SUGCT: variants seen among roughly 807,000 people sequenced by gnomAD.
SUGCT encodes succinyl-CoA:glutarate CoA-transferase.
Under a neutral mutation model 55.0 loss-of-function variants are expected in SUGCT, and 41 were observed. The observed-to-expected ratio is 0.74, with a 90% CI of 0.58 to 0.97. SUGCT has a LOEUF of 0.97. Among genes scored for constraint, SUGCT ranks in the 50% least tolerant of loss-of-function variants. The probability of loss-of-function intolerance (pLI) is 0.00; values close to 1 mark genes in which losing one functional copy is unlikely to be tolerated. For missense variants in SUGCT, 568 were observed against 547.8 expected, an observed-to-expected ratio of 1.04 and a Z score of -0.37; for synonymous variants, 187 against 200.4, an observed-to-expected ratio of 0.93 and a Z score of 0.56.
At chr7:40,459,032 C>CACT in intron 10 of SUGCT, 69 bp from the exon 11 acceptor site, 1 of 962,028 alleles carries the variant, frequency 1.0e-6, no homozygotes, top group Non-Finnish European at 1.6e-6. Flanking sequence ...AGGACCTGAA[C>CACT]ACTAGCACCC....
intron 11 of SUGCT, among the ~76,000 whole-genome samples, chr7:40,475,402 G>T (rs1304481346): frequency 6.6e-6 from 1 of 152,104 alleles, no homozygotes; most frequent in Non-Finnish European, 1.5e-5. Context: ...TCTTGTTCAC[G>T]AAGATATTTT....
chr7:40,318,352 G>A (rs1795545782), intron 9 of SUGCT, among the ~76,000 whole-genome samples: 2 of 106,758 alleles, frequency 1.9e-5, no homozygotes, highest in Admixed American at 2.2e-4. Context: ...TGATAATGGA[G>A]GTCTTTCTCA....
At chr7:40,957,358 C>G in the SUGCT span, among the ~76,000 whole-genome samples, 17 of 151,586 alleles carry the variant, frequency 1.1e-4, no homozygotes, top group South Asian at 3.3e-3. Flanking sequence ...GCATTGATCC[C>G]TTTACTATTA....
chr7:40,155,765 G>C (rs537318866), intron 1 of SUGCT, among the ~76,000 whole-genome samples: 1 of 152,100 alleles, frequency 6.6e-6, no homozygotes, highest in Non-Finnish European at 1.5e-5. Flanking sequence ...ATGCAAGTAA[G>C]GGTAACAAGA....
intron 12 of SUGCT, among the ~76,000 whole-genome samples, chr7:40,726,732 T>C (rs957489264): frequency 3.3e-5 from 5 of 152,084 alleles, no homozygotes; most frequent in African/African-American, 9.7e-5. Context: ...GCACCGACAA[T>C]GGGTTGGCTT....
At chr7:40,445,024 G>A (rs776842273) in intron 9 of SUGCT, among the ~76,000 whole-genome samples, 28 of 152,134 alleles carry the variant, frequency 1.8e-4, no homozygotes, top group South Asian at 6.2e-4. Context: ...GATGGATTAT[G>A]TTTATTGATT....
the SUGCT span, among the ~76,000 whole-genome samples, chr7:40,866,438 G>A: frequency 6.6e-6 from 1 of 151,282 alleles, no homozygotes; most frequent in African/African-American, 2.4e-5. Flanking sequence ...CATTTTGGGA[G>A]GACAGTTAAA....
At chr7:40,274,191 G>A (rs1020320692) in intron 7 of SUGCT, among the ~76,000 whole-genome samples, 4 of 133,266 alleles carry the variant, frequency 3.0e-5, no homozygotes, top group Non-Finnish European at 4.6e-5. Context: ...AATTTTTTTA[G>A]CATAAACAAG....
chr7:40,423,995 A>C (rs1246111867), intron 9 of SUGCT, among the ~76,000 whole-genome samples: 1 of 152,112 alleles, frequency 6.6e-6, no homozygotes, highest in Non-Finnish European at 1.5e-5. Context: ...CAGACAACTG[A>C]TAATCATTTT....
At chr7:40,679,633 G>T (rs1435236105) in intron 12 of SUGCT, among the ~76,000 whole-genome samples, 1 of 152,060 alleles carries the variant, frequency 6.6e-6, no homozygotes, top group Non-Finnish European at 1.5e-5. Flanking sequence ...ACCTTTTCTG[G>T]CATGGACAAT....
chr7:40,506,346 G>C (rs148624410), intron 12 of SUGCT, among the ~76,000 whole-genome samples: 2 of 151,992 alleles, frequency 1.3e-5, no homozygotes, highest in African/African-American at 4.8e-5. Context: ...CATTGTGTTT[G>C]ATAATAAGTA....
At chr7:40,565,684 A>G (rs1047119635) in intron 12 of SUGCT, among the ~76,000 whole-genome samples, 1 of 151,944 alleles carries the variant, frequency 6.6e-6, no homozygotes, top group African/African-American at 2.4e-5. Flanking sequence ...ATCCGGTCCC[A>G]TTTACCTCTA....
the SUGCT span, among the ~76,000 whole-genome samples, chr7:40,922,862 T>C: frequency 1.3e-5 from 2 of 152,236 alleles, no homozygotes; most frequent in Non-Finnish European, 2.9e-5. Flanking sequence ...GCCCCGGTGG[T>C]ATTTCCTGCC....
chr7:40,515,468 C>T (rs73689814), intron 12 of SUGCT, among the ~76,000 whole-genome samples: 2,732 of 152,264 alleles, frequency 0.018, 84 homozygotes, highest in African/African-American at 0.061. Flanking sequence ...CATTGGCAGT[C>T]GCACCCTTCT....
At chr7:40,975,536 G>A in the SUGCT span, among the ~76,000 whole-genome samples, 2 of 152,218 alleles carry the variant, frequency 1.3e-5, no homozygotes, top group Non-Finnish European at 2.9e-5. Flanking sequence ...GAGGTAGGCT[G>A]TCCCTCTGAT....
intron 13 of SUGCT, among the ~76,000 whole-genome samples, chr7:40,837,312 A>G (rs1371329125): frequency 6.6e-6 from 1 of 152,192 alleles, no homozygotes; most frequent in East Asian, 1.9e-4. Flanking sequence ...TGAGAAATAT[A>G]TAAATTCTAG....
intron 12 of SUGCT, among the ~76,000 whole-genome samples, chr7:40,536,815 A>T (rs1009882380): frequency 4.6e-5 from 7 of 152,262 alleles, no homozygotes; most frequent in Admixed American, 1.3e-4. Flanking sequence ...CCTGAAGGAG[A>T]GCTTCTTAAG....
chr7:40,503,559 G>A (rs543923028), intron 12 of SUGCT, among the ~76,000 whole-genome samples: 1 of 152,110 alleles, frequency 6.6e-6, no homozygotes, highest in African/African-American at 2.4e-5. Flanking sequence ...GATAAAAATA[G>A]CATGACAAAT....
chr7:40,225,539 C>T (rs942308828), intron 6 of SUGCT, among the ~76,000 whole-genome samples: 20 of 151,030 alleles, frequency 1.3e-4, no homozygotes, highest in Admixed American at 8.6e-4. Context: ...CGGGTATAAG[C>T]GATTCTCCTG....
Sources: gnomAD v4.1 joint callset for allele counts (sites outside exome capture counted in the v4.1 genomes callset) on GRCh38, gnomAD v4.1.1 for gene constraint, MANE v1.5 for transcripts, NCBI Gene and HGNC (gene_info 2026-07-23, HGNC 2026-07-21) for gene names.